Variants in HYCC1 observed in about 807,000 individuals in gnomAD.
HYCC1 encodes the protein hyccin PI4KA lipid kinase complex subunit 1.
the HYCC1 span, among the ~76,000 whole-genome samples, chr7:22,926,376 G>C: frequency 6.6e-6 from 1 of 152,038 alleles, no homozygotes; most frequent in Admixed American, 6.6e-5. Context: ...CAATTAAAAG[G>C]CACTGACTGG....
the HYCC1 span, among the ~76,000 whole-genome samples, chr7:22,914,168 G>A: frequency 6.6e-6 from 1 of 152,210 alleles, no homozygotes; most frequent in Non-Finnish European, 1.5e-5. Flanking sequence ...GGGGACACCT[G>A]CCTGATTATT....
chr7:22,930,393 GAAAAAA>G, the HYCC1 span, among the ~76,000 whole-genome samples: 59 of 101,134 alleles, frequency 5.8e-4, no homozygotes, highest in Non-Finnish European at 9.0e-4. Context: ...AAAAGAAAAA[GAAAAAA>G]AAAAAAGAAA....
chr7:23,008,278 T>G, the HYCC1 span, among the ~76,000 whole-genome samples: 13 of 152,170 alleles, frequency 8.5e-5, no homozygotes, highest in African/African-American at 3.1e-4. Context: ...TAAAATAATT[T>G]TAAGAGTTCC....
At chr7:22,923,974 C>T in the HYCC1 span, among the ~76,000 whole-genome samples, 40 of 139,080 alleles carry the variant, frequency 2.9e-4, 1 homozygote, top group African/African-American at 2.7e-4. Flanking sequence ...CTGGCCAACA[C>T]GGCAAAACCC....
At chr7:22,961,794 T>G in the HYCC1 span, among the ~76,000 whole-genome samples, 2 of 152,148 alleles carry the variant, frequency 1.3e-5, no homozygotes, top group African/African-American at 2.4e-5. Context: ...ATTTGCTACA[T>G]GTTGCAAATA....
chr7:23,013,651 C>A, the HYCC1 span, among the ~76,000 whole-genome samples: 1 of 151,488 alleles, frequency 6.6e-6, no homozygotes, highest in African/African-American at 2.4e-5. Flanking sequence ...AGCTGCCGCC[C>A]TCCAGGCAGC....
chr7:22,913,236 C>T, the HYCC1 span, among the ~76,000 whole-genome samples: 2 of 152,200 alleles, frequency 1.3e-5, no homozygotes, highest in Non-Finnish European at 2.9e-5. Flanking sequence ...TTGGATCAGA[C>T]TGCAGAGCAA....
At chr7:23,013,280 T>C in the HYCC1 span, among the ~76,000 whole-genome samples, 1 of 152,102 alleles carries the variant, frequency 6.6e-6, no homozygotes, top group Non-Finnish European at 1.5e-5. Context: ...CAAGAAGAGA[T>C]CTTCAGCGAA....
the HYCC1 span, among the ~76,000 whole-genome samples, chr7:22,927,621 C>T: frequency 1.3e-5 from 2 of 152,248 alleles, no homozygotes; most frequent in South Asian, 2.1e-4. Flanking sequence ...TACACTCTCC[C>T]AAGACTAAAC....
chr7:22,992,585 T>C, the HYCC1 span, among the ~76,000 whole-genome samples: 1 of 152,134 alleles, frequency 6.6e-6, no homozygotes, highest in African/African-American at 2.4e-5. Context: ...AACTTGTTTG[T>C]TTTTATATTA....
At chr7:22,976,052 G>A in the HYCC1 span, among the ~76,000 whole-genome samples, 13 of 152,120 alleles carry the variant, frequency 8.5e-5, no homozygotes, top group Non-Finnish European at 1.5e-4. Context: ...ATCAATTATA[G>A]GGAACTTTCC....
chr7:22,933,436 TTTTC>T, the HYCC1 span, among the ~76,000 whole-genome samples: 5 of 152,314 alleles, frequency 3.3e-5, no homozygotes, highest in East Asian at 5.8e-4. Flanking sequence ...CTAATAACAA[TTTTC>T]TTTGTTTTGA....
chr7:22,971,483 T>C, the HYCC1 span, among the ~76,000 whole-genome samples: 2 of 151,032 alleles, frequency 1.3e-5, no homozygotes, highest in Admixed American at 6.6e-5. Context: ...GAGACCCGCC[T>C]GGGCAACATG....
At chr7:22,919,864 A>C in the HYCC1 span, among the ~76,000 whole-genome samples, 6 of 152,150 alleles carry the variant, frequency 3.9e-5, no homozygotes, top group Non-Finnish European at 5.9e-5. Context: ...AAGAAGGAAA[A>C]AGAAGAAAAC....
chr7:22,915,116 C>T, the HYCC1 span, among the ~76,000 whole-genome samples: 196 of 152,286 alleles, frequency 1.3e-3, no homozygotes, highest in Middle Eastern at 6.8e-3. Flanking sequence ...CCCAGAGGGG[C>T]CAGAAGGCCA....
chr7:23,004,698 G>C, the HYCC1 span, among the ~76,000 whole-genome samples: 1 of 151,940 alleles, frequency 6.6e-6, no homozygotes, highest in Non-Finnish European at 1.5e-5. Context: ...TATAAGTATA[G>C]TAGGGAAGCT....
the HYCC1 span, among the ~76,000 whole-genome samples, chr7:22,981,258 C>T: frequency 1.4e-3 from 217 of 152,084 alleles, 8 homozygotes; most frequent in East Asian, 0.034. Context: ...ACATTAAATG[C>T]GTTTAATAAA....
the HYCC1 span, among the ~76,000 whole-genome samples, chr7:22,909,158 G>A: frequency 2.6e-5 from 4 of 152,320 alleles, no homozygotes; most frequent in East Asian, 1.9e-4. Context: ...AGTGTTGGAG[G>A]TGGGGCCTGG....
At chr7:22,969,806 G>A in the HYCC1 span, among the ~76,000 whole-genome samples, 1 of 152,174 alleles carries the variant, frequency 6.6e-6, no homozygotes, top group African/African-American at 2.4e-5. Flanking sequence ...TTACAGGTGT[G>A]AGCCACCGCA....
Sources: gnomAD v4.1 joint callset for allele counts (sites outside exome capture counted in the v4.1 genomes callset) on GRCh38, gnomAD v4.1.1 for gene constraint, MANE v1.5 for transcripts, NCBI Gene and HGNC (gene_info 2026-07-23, HGNC 2026-07-21) for gene names.